The following DTNA variants were observed in gnomAD, a reference collection of about 807,000 sequenced individuals.
DTNA encodes the protein dystrophin-related protein 3.
In DTNA, 43 loss-of-function variants were observed where a neutral mutation model predicts 100.7. The observed-to-expected ratio is 0.43, with a 90% CI of 0.33 to 0.55. The LOEUF is 0.55. Among genes scored for constraint, DTNA ranks in the 20% least tolerant of loss-of-function variants. The pLI, the probability that DTNA is intolerant of heterozygous loss-of-function variation, is 0.04. For synonymous variants in DTNA, 349 were observed against 347.9 expected (o/e 1.00, Z -0.04); for missense variants, 798 against 953.9 (o/e 0.84, Z 2.15).
At position 34,889,363 on chromosome 18, in the gene DTNA, G is replaced by C; in HGVS notation, c.*1629G>C. ...GAAGCTCTGGGGGTTGGGTCCAGAA[G>C]TCTGTTTTAGTCAACCCTCTAGGTG... On this transcript the variant is annotated 3_prime_UTR_variant, in exon 23 of 23. Transcript: ENST00000444659. The C allele has an allele frequency of 3.0e-6, 3 of 984,266 alleles. No individual in the cohort carries two copies. Among genetic ancestry groups the C allele is most frequent in the Non-Finnish European group, 3.6e-6 (3 of 828,902 alleles). The allele number at this position is 984,266 out of a possible 1,614,324, so 61.0% of individuals were successfully genotyped here. A position where few individuals can be genotyped will look rare whatever the true frequency, so the allele number is the denominator to read the frequency against.
Position 34,890,018 on chromosome 18 carries a change from G to T in DTNA, c.*2284G>T. 1 of 1,247,546 alleles carries T rather than the reference G, an allele frequency of 8.0e-7. No homozygotes were observed. 77.3% of individuals were successfully genotyped at this position (1,247,546 alleles called of 1,614,324 possible). A position where few individuals can be genotyped will look rare whatever the true frequency, so the allele number is the denominator to read the frequency against. On this transcript the variant is annotated 3_prime_UTR_variant, in exon 23 of 23. Coordinates refer to ENST00000444659, the MANE Select transcript of DTNA (RefSeq NM_001386795.1). ...ATAATGCTGTCAGCTCAAAATCATA[G>T]CCAGGTAGTTCTTGAACTCAGAACT...
intron 1 of DTNA, among the ~76,000 whole-genome samples, chr18:34,515,950 T>C (rs1360990184): frequency 6.6e-6 from 1 of 152,224 alleles, no homozygotes; most frequent in East Asian, 1.9e-4. Flanking sequence ...AACAAACTGC[T>C]CAATGTCACA....
At chr18:34,881,467 T>G (rs1317985128) in intron 20 of DTNA, among the ~76,000 whole-genome samples, 1 of 134,746 alleles carries the variant, frequency 7.4e-6, no homozygotes, top group Non-Finnish European at 1.6e-5. Flanking sequence ...TTTTTTCAGA[T>G]TTAGAGCTAA....
chr18:34,539,448 C>T (rs1168103338), intron 1 of DTNA, among the ~76,000 whole-genome samples: 1 of 151,978 alleles, frequency 6.6e-6, no homozygotes, highest in East Asian at 1.9e-4. Context: ...GGTTGGCTGA[C>T]TTGCTAATTT....
intron 11 of DTNA, 114 bp downstream of exon 11, chr18:34,829,603 G>T: frequency 1.8e-6 from 2 of 1,095,628 alleles, no homozygotes; most frequent in South Asian, 2.1e-5. Context: ...TGGAGATAGA[G>T]GTCTTCTGGG....
In DTNA at chr18:34,644,560, G is replaced by A. The variant is rs543217571; in HGVS notation, c.-1-111416G>A. Among the ~76,000 whole-genome samples the A allele has an allele frequency of 3.3e-5, 5 of 152,182 alleles. No individual in the cohort carries two copies. In the South Asian group the frequency reaches 8.3e-4, roughly 25 times the overall value. ...AAACATCTCTATTTTTGAGTTACAA[G>A]TTTGGGTTAGTCACTGTTGATTTGT... On this transcript the variant is annotated intron_variant, in intron 1 of 19. Transcript: ENST00000283365.
intron 1 of DTNA, among the ~76,000 whole-genome samples, chr18:34,742,732 A>G (rs1349100924): frequency 7.2e-6 from 1 of 139,552 alleles, no homozygotes; most frequent in Non-Finnish European, 1.5e-5. Flanking sequence ...ACAGGGTAAT[A>G]TAGTATGGCC....
chr18:34,776,156 C>G (rs1034571381), intron 3 of DTNA, among the ~76,000 whole-genome samples: 1 of 152,156 alleles, frequency 6.6e-6, no homozygotes, highest in Admixed American at 6.5e-5. Context: ...GAAAACTTTT[C>G]CCTTATCAAG....
At chr18:34,579,788 GTTGT>G (rs1383964865) in intron 1 of DTNA, among the ~76,000 whole-genome samples, 1 of 152,088 alleles carries the variant, frequency 6.6e-6, no homozygotes, top group Non-Finnish European at 1.5e-5. Context: ...TGTTTGTTTA[GTTGT>G]TTGTTTTTGA....
In DTNA at chr18:34,852,617, G is replaced by T. The variant is rs9965352; in HGVS notation, c.1532+689G>T. Among the ~76,000 whole-genome samples, 835 of 152,226 alleles carry T rather than the reference G, an allele frequency of 5.5e-3. 6 individuals are homozygous for T. The highest frequency in any genetic ancestry group is 0.019 in the African/African-American group (795 of 41,538). Reference sequence around the variant, plus strand: ...CTACTCCTCTTACCATCACCTGCAAGGTCTTACCTGACCTGATTCCCTCCT... The same window carrying T: ...CTACTCCTCTTACCATCACCTGCAATGTCTTACCTGACCTGATTCCCTCCT... On this transcript the variant is annotated intron_variant, in intron 15 of 22. Coordinates refer to ENST00000444659, the MANE Select transcript of DTNA (RefSeq NM_001386795.1).
At chr18:34,859,534 T>C (rs2096592737) in intron 16 of DTNA, among the ~76,000 whole-genome samples, 1 of 152,138 alleles carries the variant, frequency 6.6e-6, no homozygotes, top group Admixed American at 6.5e-5. Flanking sequence ...AGTTACAAAG[T>C]GACATCCTAT....
chr18:34,778,791 A>G (rs1181621542), intron 3 of DTNA, among the ~76,000 whole-genome samples: 3 of 144,966 alleles, frequency 2.1e-5, no homozygotes, highest in African/African-American at 7.8e-5. Flanking sequence ...AATAAAAGCT[A>G]TATATATAGG....
chr18:34,802,032 A>G (rs1008239239), intron 4 of DTNA, among the ~76,000 whole-genome samples: 1 of 152,164 alleles, frequency 6.6e-6, no homozygotes, highest in Non-Finnish European at 1.5e-5. Context: ...CAGTCTCTCA[A>G]ACACATCTGG....
chr18:34,681,226 A>C (rs1002214362), intron 1 of DTNA, among the ~76,000 whole-genome samples: 10 of 152,148 alleles, frequency 6.6e-5, no homozygotes, highest in Admixed American at 5.2e-4. Context: ...ATACTTCATT[A>C]ATTTCTTCCA....
chr18:34,800,009 A>G (rs2095145511), intron 4 of DTNA, among the ~76,000 whole-genome samples: 1 of 152,218 alleles, frequency 6.6e-6, no homozygotes, highest in Non-Finnish European at 1.5e-5. Context: ...TTCACAGGTT[A>G]ACTTCACTAC....
chr18:34,771,102 G>A (rs770910925), intron 3 of DTNA, among the ~76,000 whole-genome samples: 25 of 152,118 alleles, frequency 1.6e-4, no homozygotes, highest in Non-Finnish European at 1.0e-4. Flanking sequence ...CAGTAAAAAT[G>A]TTGTGTAAAT....
At position 34,887,844 on chromosome 18, in the gene DTNA, G is replaced by A. The variant is rs2096936936; in HGVS notation, c.*110G>A. ...AGAGCCCTGTGGCCACACAGAGGAG[G>A]AAGACAGCAGCCTGGCAGCAGCCTC... On this transcript the variant is annotated 3_prime_UTR_variant, in exon 23 of 23. Transcript: ENST00000444659. The A allele has an allele frequency of 4.1e-6, 4 of 986,426 alleles. No homozygotes were observed. Among genetic ancestry groups the A allele is most frequent in the Non-Finnish European group, 4.8e-6 (4 of 830,194 alleles). The allele number at this position is 986,426 out of a possible 1,614,324, so 61.1% of individuals were successfully genotyped here.
At chr18:34,812,505 G>T (rs765147051) in intron 6 of DTNA, among the ~76,000 whole-genome samples, 10 of 152,176 alleles carry the variant, frequency 6.6e-5, no homozygotes, top group Non-Finnish European at 1.0e-4. Context: ...CTGGTGGAAG[G>T]TGAAGGGAAG....
Position 34,766,049 on chromosome 18 carries a change from T to C in DTNA, c.148+8T>C, listed in dbSNP as rs201756674. On this transcript the variant is annotated splice_region_variant and intron_variant, in intron 3 of 22. Transcript: ENST00000444659. ...TTCAGAAGAAATGCAATTGTAAGTA[T>C]GCCAGTTGTTTGGACTAATTACCAT... 1.9e-5 allele frequency: 31 copies of C among 1,613,400 alleles called. No homozygotes were observed. In the East Asian group the frequency reaches 6.5e-4, roughly 34 times the overall value.
Sources: allele counts gnomAD v4.1 joint callset (sites outside exome capture counted in the v4.1 genomes callset), GRCh38; gene constraint gnomAD v4.1.1; transcripts MANE v1.5; gene names NCBI Gene and HGNC (gene_info 2026-07-23, HGNC 2026-07-21).